GPC5: variants seen among roughly 807,000 people sequenced by gnomAD.
The protein encoded by GPC5 is glypican-5.
In GPC5, 47 loss-of-function variants were observed where a neutral mutation model predicts 53.9. That is an observed-to-expected ratio of 0.87 (90% confidence interval 0.69 to 1.11). GPC5 has a LOEUF of 1.11. Among genes scored for constraint, GPC5 ranks in the 50% most tolerant of loss-of-function variants. GPC5 has a pLI of 0.00. For synonymous variants in GPC5, 286 were observed against 263.3 expected (o/e 1.09, Z -0.84); for missense variants, 748 against 713.1 (o/e 1.05, Z -0.56).
intron 2 of GPC5, among the ~76,000 whole-genome samples, chr13:91,596,569 C>A (rs1240882814): frequency 1.3e-5 from 2 of 152,020 alleles, no homozygotes; most frequent in African/African-American, 4.8e-5. Context: ...TGAACTTTAC[C>A]TTTTAGGGTG....
At chr13:91,432,203 C>CTGCTGTGTG (rs1555306318) in intron 1 of GPC5, among the ~76,000 whole-genome samples, 14 of 136,350 alleles carry the variant, frequency 1.0e-4, no homozygotes, top group African/African-American at 3.6e-4. Flanking sequence ...GCTGCTGCTG[C>CTGCTGTGTG]TGTGTGTGTG....
intron 2 of GPC5, among the ~76,000 whole-genome samples, chr13:91,500,991 C>T (rs771820631): frequency 3.9e-5 from 6 of 152,120 alleles, no homozygotes; most frequent in Non-Finnish European, 5.9e-5. Flanking sequence ...TGCCTTTCAC[C>T]TTCTGCCGTG....
intron 7 of GPC5, among the ~76,000 whole-genome samples, chr13:92,222,479 T>A (rs1310547391): frequency 6.6e-6 from 1 of 152,166 alleles, no homozygotes; most frequent in African/African-American, 2.4e-5. Flanking sequence ...AAGAAAGTGA[T>A]AATTCAAAAC....
intron 7 of GPC5, among the ~76,000 whole-genome samples, chr13:92,831,220 A>C (rs1878033209): frequency 6.6e-6 from 1 of 152,156 alleles, no homozygotes; most frequent in Non-Finnish European, 1.5e-5. Flanking sequence ...TTAGGTGTGC[A>C]GATTTTAATT....
intron 7 of GPC5, among the ~76,000 whole-genome samples, chr13:92,670,040 T>G (rs1190554494): frequency 6.6e-6 from 1 of 152,200 alleles, no homozygotes; most frequent in Admixed American, 6.6e-5. Context: ...CTCCTAAAAA[T>G]CAATGGGTTG....
rs1566276630 is a variant in GPC5, at chr13:92,527,156, GAAAGAAAGAAAGAAAGAGAA to G, written c.1562-339124_1562-339105del. ...AGAAAGAAAGAAAGAAAGAAAGAAAGAAAGAAAGAAAGAAAGAGAAAGAAAGAAGAAAGAAAGAAAGAAAG... is the reference window on the plus strand; with the variant it reads ...AGAAAGAAAGAAAGAAAGAAAGAAAGAGAAAGAAGAAAGAAAGAAAGAAAG... On this transcript the variant is annotated intron_variant, in intron 7 of 7. Transcript: ENST00000377067. Among the ~76,000 whole-genome samples the G allele has an allele frequency of 1.1e-3, 117 of 108,232 alleles. 4 individuals carry two copies. The highest frequency in any genetic ancestry group is 1.9e-3 in the Non-Finnish European group (95 of 51,204). 71.0% of individuals were successfully genotyped at this position (108,232 alleles called of 152,430 possible).
intron 5 of GPC5, among the ~76,000 whole-genome samples, chr13:91,891,580 C>A (rs2039387064): frequency 6.6e-6 from 1 of 152,024 alleles, no homozygotes; most frequent in Non-Finnish European, 1.5e-5. Context: ...GGAGAAAAAA[C>A]AAATATTTCC....
chr13:92,181,641 A>G (rs1243065408), intron 7 of GPC5, among the ~76,000 whole-genome samples: 1 of 152,202 alleles, frequency 6.6e-6, no homozygotes, highest in Non-Finnish European at 1.5e-5. Context: ...GTAAAGCCCT[A>G]AAAGCAACTG....
chr13:92,138,469 G>A (rs1327991467), intron 6 of GPC5, among the ~76,000 whole-genome samples: 2 of 151,248 alleles, frequency 1.3e-5, no homozygotes, highest in South Asian at 2.1e-4. Context: ...GCAGTGAGCC[G>A]AGATCACACC....
rs1157041077 is a variant in GPC5 at position 91,618,422 on chromosome 13, T to A, written c.326-74765T>A. On this transcript the variant is annotated intron_variant, in intron 2 of 7. Transcript: ENST00000377067. ...TGAGCCAGTTCCCCATCATCAATAT[T>A]GGTGTTACATAATATTCAATGTGAT... Among the ~76,000 whole-genome samples, 3 of 152,074 alleles carry A rather than the reference T, an allele frequency of 2.0e-5. No individual in the cohort carries two copies. The East Asian group carries it at 5.8e-4, about 29-fold the overall frequency.
At chr13:91,772,732 A>C (rs1272263718) in intron 5 of GPC5, among the ~76,000 whole-genome samples, 1 of 152,158 alleles carries the variant, frequency 6.6e-6, no homozygotes, top group Non-Finnish European at 1.5e-5. Flanking sequence ...TGATTTCCCA[A>C]GCCTCAAGTG....
Position 92,205,787 on chromosome 13 carries a change from C to T in GPC5, c.1561+60798C>T, listed in dbSNP as rs550329689. On this transcript the variant is annotated intron_variant, in intron 7 of 7. Coordinates refer to ENST00000377067, the MANE Select transcript of GPC5 (RefSeq NM_004466.6). ...TTCGGCCAGGCGCGGTGGCTCACGC[C>T]TGTAATCCTAGCACTTTCGGAGGCC... Among the ~76,000 whole-genome samples, 631 of 152,268 alleles carry T rather than the reference C, an allele frequency of 4.1e-3. 4 individuals are homozygous for T. The highest frequency in any genetic ancestry group is 0.014 in the African/African-American group (600 of 41,556).
chr13:91,786,219 A>G (rs894245909), intron 5 of GPC5, among the ~76,000 whole-genome samples: 8 of 150,826 alleles, frequency 5.3e-5, no homozygotes. Context: ...CTGGTCTCAA[A>G]CTCCTGACCT....
At chr13:92,588,889 T>G (rs1035323924) in intron 7 of GPC5, among the ~76,000 whole-genome samples, 1 of 152,260 alleles carries the variant, frequency 6.6e-6, no homozygotes, top group East Asian at 1.9e-4. Context: ...ATTTCTAATT[T>G]TATGTAGAAG....
intron 2 of GPC5, among the ~76,000 whole-genome samples, chr13:91,674,458 C>T (rs2035325259): frequency 6.6e-6 from 1 of 150,512 alleles, no homozygotes; most frequent in East Asian, 2.0e-4. Context: ...CATACACACA[C>T]ACACGCACAT....
At chr13:92,191,376 C>G (rs1331258506) in intron 7 of GPC5, among the ~76,000 whole-genome samples, 1 of 152,126 alleles carries the variant, frequency 6.6e-6, no homozygotes, top group African/African-American at 2.4e-5. Context: ...ACTGACACCA[C>G]CAAATGCTGG....
At chr13:91,846,936 C>T (rs61967094) in intron 5 of GPC5, among the ~76,000 whole-genome samples, 4,785 of 151,802 alleles carry the variant, frequency 0.032, 99 homozygotes, top group Non-Finnish European at 0.048. Context: ...GAAATGGGTG[C>T]GGGCTGGGCA....
At chr13:91,574,294 T>A (rs2032052370) in intron 2 of GPC5, among the ~76,000 whole-genome samples, 1 of 152,274 alleles carries the variant, frequency 6.6e-6, no homozygotes, top group East Asian at 1.9e-4. Flanking sequence ...ACTTAAACTT[T>A]AGTCTTTGGT....
chr13:91,602,122 G>C (rs182113005), intron 2 of GPC5, among the ~76,000 whole-genome samples: 130 of 152,330 alleles, frequency 8.5e-4, no homozygotes, highest in Non-Finnish European at 1.4e-3. Context: ...ATTTACAGTA[G>C]TCCTGGATAG....
Sources: gnomAD v4.1 joint callset for allele counts (sites outside exome capture counted in the v4.1 genomes callset) on GRCh38, gnomAD v4.1.1 for gene constraint, MANE v1.5 for transcripts, NCBI Gene and HGNC (gene_info 2026-07-23, HGNC 2026-07-21) for gene names.